The following GPC5 variants were observed in gnomAD, a reference collection of about 807,000 sequenced individuals.
GPC5 encodes glypican 5.
A neutral mutation model predicts 53.9 loss-of-function variants in GPC5; 47 were observed. The ratio of observed to expected loss-of-function variants is 0.87; its 90% CI spans 0.69 to 1.11. GPC5 has a LOEUF of 1.11. Ranked by LOEUF, GPC5 falls within the 50% of genes most tolerant of loss-of-function variation. The pLI is 0.00. For synonymous variants in GPC5, 286 were observed against 263.3 expected, an observed-to-expected ratio of 1.09 and a Z score of -0.84; for missense variants, 748 against 713.1, an observed-to-expected ratio of 1.05 and a Z score of -0.56.
At chr13:92,646,206 A>G (rs1278268935) in intron 7 of GPC5, among the ~76,000 whole-genome samples, 6 of 152,130 alleles carry the variant, frequency 3.9e-5, no homozygotes, top group Non-Finnish European at 8.8e-5. Flanking sequence ...TTTTTATAAC[A>G]AGAAAGGTGA....
intron 5 of GPC5, among the ~76,000 whole-genome samples, chr13:91,775,428 C>A (rs2037695060): frequency 6.6e-6 from 1 of 152,128 alleles, no homozygotes; most frequent in African/African-American, 2.4e-5. Context: ...CCCTTGCAAA[C>A]TAATTCCCCA....
intron 7 of GPC5, among the ~76,000 whole-genome samples, chr13:92,381,399 G>C (rs9523650): frequency 0.64 from 97,641 of 151,936 alleles, 31,710 homozygotes; most frequent in East Asian, 0.86. Context: ...TTGCATTTCC[G>C]TGATCATTAA....
intron 7 of GPC5, among the ~76,000 whole-genome samples, chr13:92,768,242 C>CT (rs1331646748): frequency 6.6e-6 from 1 of 152,076 alleles, no homozygotes; most frequent in African/African-American, 2.4e-5. Context: ...AAGTTTTGTA[C>CT]TTTTTGGTGA....
intron 7 of GPC5, among the ~76,000 whole-genome samples, chr13:92,477,472 A>G (rs1879194758): frequency 6.6e-6 from 1 of 152,120 alleles, no homozygotes; most frequent in African/African-American, 2.4e-5. Context: ...TCTTCTGCCT[A>G]CCCAGTCTGT....
At chr13:92,048,669 G>A (rs1198374860) in intron 6 of GPC5, among the ~76,000 whole-genome samples, 1 of 152,164 alleles carries the variant, frequency 6.6e-6, no homozygotes. Context: ...GAACTTTCCA[G>A]TGTTGACTCT....
In GPC5 at chr13:92,529,854, G is replaced by A. The variant is rs565232348; in HGVS notation, c.1562-336428G>A. On this transcript the variant is annotated intron_variant, in intron 7 of 7. Transcript: ENST00000377067. ...TCACAGCAGTTTGGGAGGCCGAGGC[G>A]GGGGCATCACTTGAGCTCATGAGTT... 4.5e-3 allele frequency among the ~76,000 whole-genome samples: 681 copies of A among 152,166 alleles called. 6 individuals carry two copies. Among genetic ancestry groups the A allele is most frequent in the African/African-American group, 0.015 (626 of 41,502 alleles).
At chr13:92,299,961 G>A (rs1321461967) in intron 7 of GPC5, among the ~76,000 whole-genome samples, 1 of 152,108 alleles carries the variant, frequency 6.6e-6, no homozygotes, top group Non-Finnish European at 1.5e-5. Flanking sequence ...TGTAAGGAGT[G>A]TTCCTTCCTT....
intron 7 of GPC5, among the ~76,000 whole-genome samples, chr13:92,349,341 C>T (rs1300498193): frequency 2.0e-5 from 3 of 151,918 alleles, no homozygotes; most frequent in Non-Finnish European, 4.4e-5. Flanking sequence ...GATAGGGTTT[C>T]TCCATGTTGG....
At chr13:92,281,186 A>G (rs1314860443) in intron 7 of GPC5, among the ~76,000 whole-genome samples, 1 of 152,208 alleles carries the variant, frequency 6.6e-6, no homozygotes, top group African/African-American at 2.4e-5. Flanking sequence ...ACAAGGCGTC[A>G]GCAAGGCTGG....
intron 2 of GPC5, among the ~76,000 whole-genome samples, chr13:91,477,652 G>A (rs1021346084): frequency 6.6e-6 from 1 of 152,168 alleles, no homozygotes; most frequent in Non-Finnish European, 1.5e-5. Flanking sequence ...GAAAAGGGCT[G>A]CAGATGGATT....
intron 7 of GPC5, among the ~76,000 whole-genome samples, chr13:92,768,882 A>G (rs1446799063): frequency 6.6e-6 from 1 of 151,984 alleles, no homozygotes; most frequent in East Asian, 1.9e-4. Flanking sequence ...CATCTGCTGA[A>G]CAACTTAAAT....
intron 6 of GPC5, among the ~76,000 whole-genome samples, chr13:92,115,287 T>C (rs907825009): frequency 2.0e-5 from 3 of 152,112 alleles, no homozygotes; most frequent in Non-Finnish European, 4.4e-5. Flanking sequence ...GGTGGGTAGA[T>C]TATGAGGTCA....
intron 7 of GPC5, among the ~76,000 whole-genome samples, chr13:92,320,705 C>CA (rs2043210073): frequency 6.6e-6 from 1 of 152,136 alleles, no homozygotes; most frequent in Admixed American, 6.5e-5. Flanking sequence ...CTTATCTAAA[C>CA]ATAAGGCAAA....
intron 7 of GPC5, among the ~76,000 whole-genome samples, chr13:92,615,264 C>T (rs910512459): frequency 3.3e-5 from 5 of 152,152 alleles, no homozygotes; most frequent in Non-Finnish European, 5.9e-5. Context: ...GCATTATAGA[C>T]AATTTCACAA....
At chr13:92,759,924 A>AG (rs1875090706) in intron 7 of GPC5, among the ~76,000 whole-genome samples, 1 of 152,096 alleles carries the variant, frequency 6.6e-6, no homozygotes, top group Non-Finnish European at 1.5e-5. Flanking sequence ...TTATCAAGAA[A>AG]GGATGTCAAA....
chr13:92,701,283 A>G (rs1017971902), intron 7 of GPC5: 6 of 152,116 alleles, frequency 3.9e-5, no homozygotes, highest in East Asian at 1.9e-4. Flanking sequence ...ATGTTGTAGT[A>G]TTCTTCATGA....
At chr13:92,066,534 G>A (rs543776830) in intron 6 of GPC5, among the ~76,000 whole-genome samples, 9 of 152,078 alleles carry the variant, frequency 5.9e-5, no homozygotes, top group Middle Eastern at 3.4e-3. Flanking sequence ...GTTTTGAAGG[G>A]AACATTAAAA....
At chr13:92,285,116 A>G (rs576699944) in intron 7 of GPC5, among the ~76,000 whole-genome samples, 50 of 152,302 alleles carry the variant, frequency 3.3e-4, no homozygotes, top group African/African-American at 1.2e-3. Context: ...ACAGAGCCAA[A>G]TCATGAGTGA....
chr13:91,858,300 G>A (rs1306758709), intron 5 of GPC5, among the ~76,000 whole-genome samples: 1 of 151,628 alleles, frequency 6.6e-6, no homozygotes, highest in Non-Finnish European at 1.5e-5. Flanking sequence ...ACTAACTGAG[G>A]GTCTGTTCTA....
Sources: gnomAD v4.1 joint callset for allele counts (sites outside exome capture counted in the v4.1 genomes callset) on GRCh38, gnomAD v4.1.1 for gene constraint, MANE v1.5 for transcripts, NCBI Gene and HGNC (gene_info 2026-07-23, HGNC 2026-07-21) for gene names.